Variants in ECPAS observed in about 807,000 individuals in gnomAD.
The protein encoded by ECPAS is Ecm29 proteasome adaptor and scaffold.
Under a neutral mutation model 255.1 loss-of-function variants are expected in ECPAS, and 70 were observed. That is an observed-to-expected ratio of 0.27 (90% confidence interval 0.23 to 0.33). The LOEUF is 0.33. ECPAS is among the 10% of genes least tolerant of loss of function. The pLI, the probability that ECPAS is intolerant of heterozygous loss-of-function variation, is 1.00. For missense variants in ECPAS, 1,817 were observed against 2,206.4 expected, an observed-to-expected ratio of 0.82 and a Z score of 3.54; for synonymous variants, 784 against 775.0, an observed-to-expected ratio of 1.01 and a Z score of -0.19.
At chr9:111,473,135 A>C (rs1482480162) in intron 1 of ECPAS, 135 bp from the exon 2 acceptor site, 1 of 170,878 alleles carries the variant, frequency 5.9e-6, no homozygotes, top group African/African-American at 2.4e-5. Context: ...ATGAGGAAAA[A>C]AAATTATAAT....
intron 10 of ECPAS, among the ~76,000 whole-genome samples, chr9:111,427,536 T>G (rs56190965): frequency 0.056 from 8,580 of 152,260 alleles, 568 homozygotes; most frequent in African/African-American, 0.15. Context: ...ATGCTTAGGA[T>G]CAGAAGTGTT....
At chr9:111,452,288 C>A (rs2098261343) in intron 2 of ECPAS, among the ~76,000 whole-genome samples, 1 of 152,166 alleles carries the variant, frequency 6.6e-6, no homozygotes, top group African/African-American at 2.4e-5. Context: ...CCTACAAAAA[C>A]TGTCATGGGA....
chr9:111,426,356 G>C (rs534591536), intron 10 of ECPAS, among the ~76,000 whole-genome samples: 4 of 138,140 alleles, frequency 2.9e-5, no homozygotes, highest in Non-Finnish European at 6.2e-5. Flanking sequence ...TTATGACAAA[G>C]ATTACTTACA....
chr9:111,464,449 A>G (rs952927117), intron 2 of ECPAS, among the ~76,000 whole-genome samples: 40 of 151,562 alleles, frequency 2.6e-4, no homozygotes, highest in African/African-American at 8.3e-4. Flanking sequence ...AAAAAAAAAA[A>G]GAACTCTCCC....
chr9:111,483,583 A>AGGGCGCGGCC (rs2132155674), intron 1 of ECPAS: 1 of 191,950 alleles, frequency 5.2e-6, no homozygotes, highest in African/African-American at 2.4e-5. Flanking sequence ...CTGGGGGGGC[A>AGGGCGCGGCC]GGGCGCGGCC....
intron 20 of ECPAS, among the ~76,000 whole-genome samples, chr9:111,412,920 G>A (rs896826877): frequency 6.6e-6 from 1 of 152,002 alleles, no homozygotes; most frequent in Non-Finnish European, 1.5e-5. Flanking sequence ...TGTAGCACAT[G>A]GAGATACAGA....
chr9:111,390,205 A>G, intron 29 of ECPAS, 104 bp from the exon 30 acceptor site: 1 of 618,534 alleles, frequency 1.6e-6, no homozygotes, highest in Non-Finnish European at 2.8e-6. Context: ...TCAAATTTTC[A>G]CTCAATTTCT....
Position 111,389,713 on chromosome 9 carries a change from A to G in ECPAS, c.3290T>C (p.Phe1097Ser). Residue 1097 changes from phenylalanine to serine, a missense_variant, in exon 31 of 50, where the codon TTT becomes TCT. Transcript: ENST00000684092. ...AMWNSRKGAAFGFNVIATRAG... is the reference protein window; with the variant it reads ...AMWNSRKGAASGFNVIATRAG... The stretch of plus-strand genomic sequence containing the variant: ...TCTGGTAGCAATTACATTAAAACCA[A>G]AAGCAGCACCCTAAAAATAATAGGC... 6.2e-7 allele frequency: 1 copy of G among 1,609,506 alleles called. No individual in the cohort carries two copies. Among genetic ancestry groups the G allele is most frequent in the African/African-American group, 1.3e-5 (1 of 74,736 alleles).
intron 39 of ECPAS, 65 bp downstream of exon 39, chr9:111,373,907 T>TAA: frequency 7.8e-7 from 1 of 1,282,850 alleles, no homozygotes. Flanking sequence ...TTTTCCTTTT[T>TAA]AAAACTCTGT....
intron 20 of ECPAS, among the ~76,000 whole-genome samples, chr9:111,412,490 C>T (rs1016596665): frequency 6.6e-6 from 1 of 152,194 alleles, no homozygotes; most frequent in African/African-American, 2.4e-5. Context: ...CAGCAACAGA[C>T]AATACACAAT....
chr9:111,430,465 C>A, intron 9 of ECPAS, 82 bp downstream of exon 9: 1 of 859,506 alleles, frequency 1.2e-6, no homozygotes, highest in Non-Finnish European at 1.9e-6. Context: ...TTAAATGAAA[C>A]TAGAAGAAAA....
chr9:111,383,525 T>G (rs1053413100), intron 34 of ECPAS, among the ~76,000 whole-genome samples, 193 bp from the exon 35 acceptor site: 1 of 152,056 alleles, frequency 6.6e-6, no homozygotes, highest in Non-Finnish European at 1.5e-5. Flanking sequence ...AACAGAAAAT[T>G]TGGTAATGCA....
rs180966332 is a variant in ECPAS, at chr9:111,435,626, G to A, written c.708+1314C>T. Among the ~76,000 whole-genome samples, 468 of 151,982 alleles carry A rather than the reference G, an allele frequency of 3.1e-3. 2 individuals carry two copies. Among genetic ancestry groups the A allele is most frequent in the Admixed American group, 4.9e-3 (75 of 15,248 alleles). The stretch of plus-strand genomic sequence containing the variant: ...ATGAGATATTGTATTCAAAGTACCC[G>A]GTACGGTGCCTGTCACATAGATTGC... On this transcript the variant is annotated intron_variant, in intron 7 of 49. Transcript: ENST00000684092.
intron 2 of ECPAS, among the ~76,000 whole-genome samples, chr9:111,468,193 G>A (rs1379973385): frequency 6.6e-6 from 1 of 152,012 alleles, no homozygotes; most frequent in Non-Finnish European, 1.5e-5. Context: ...AACCCAGAGA[G>A]GGCTTTACCC....
chr9:111,415,439 C>T (rs960470715), intron 18 of ECPAS, among the ~76,000 whole-genome samples: 6 of 152,082 alleles, frequency 3.9e-5, no homozygotes, highest in African/African-American at 1.4e-4. Context: ...GTGGCTCACG[C>T]CTGTAATCCC....
At chr9:111,421,658 C>T (rs893546575) in intron 15 of ECPAS, among the ~76,000 whole-genome samples, 64 of 152,134 alleles carry the variant, frequency 4.2e-4, no homozygotes, top group African/African-American at 1.5e-3. Flanking sequence ...GTTACAAAGA[C>T]AAAACACTTC....
rs751711973 is a variant in ECPAS, at chr9:111,378,622, T to C, written c.3912A>G (p.Gln1304=). 1.2e-6 allele frequency: 2 copies of C among 1,613,770 alleles called. No individual in the cohort carries two copies. Among genetic ancestry groups the C allele is most frequent in the Non-Finnish European group, 8.5e-7 (1 of 1,179,704 alleles). The part of the protein sequence containing the change: ...LLESLSVLEP[Q]VLNYLSLRAT... ...CCCGGAGGCTCAAATAATTGAGAACTTGGGGCTCCAATACACTTAAGGACT... is the reference window on the plus strand; with the variant it reads ...CCCGGAGGCTCAAATAATTGAGAACCTGGGGCTCCAATACACTTAAGGACT... The change falls in exon 36 of 50, where the codon CAA becomes CAG. Residue 1304 remains glutamine, a synonymous_variant. Coordinates refer to ENST00000684092, the MANE Select transcript of ECPAS (RefSeq NM_001364929.1).
intron 12 of ECPAS, among the ~76,000 whole-genome samples, chr9:111,424,187 G>C (rs774643558): frequency 2.1e-4 from 32 of 152,130 alleles, no homozygotes; most frequent in Non-Finnish European, 3.4e-4. Context: ...ATGAGAACCA[G>C]GCCTACTTAC....
At chr9:111,403,733 C>A (rs79014762) in intron 24 of ECPAS, among the ~76,000 whole-genome samples, 12,743 of 149,598 alleles carry the variant, frequency 0.085, 1,232 homozygotes, top group East Asian at 0.35. Flanking sequence ...CAACCCAAAT[C>A]AAAACTGAAC....
Sources: allele counts gnomAD v4.1 joint callset (sites outside exome capture counted in the v4.1 genomes callset), GRCh38; gene constraint gnomAD v4.1.1; transcripts MANE v1.5; gene names NCBI Gene and HGNC (gene_info 2026-07-23, HGNC 2026-07-21).